CHRM3: variants seen among roughly 807,000 people sequenced by gnomAD.
The protein encoded by CHRM3 is muscarinic acetylcholine receptor M3.
A neutral mutation model predicts 41.8 loss-of-function variants in CHRM3; 11 were observed. That is an observed-to-expected ratio of 0.26 (90% confidence interval 0.17 to 0.44). The LOEUF is 0.44. Among genes scored for constraint, CHRM3 ranks in the 20% least tolerant of loss-of-function variants. The pLI, the probability that CHRM3 is intolerant of heterozygous loss-of-function variation, is 1.00. For missense variants in CHRM3, 571 were observed against 745.4 expected (o/e 0.77, Z 2.72); for synonymous variants, 297 against 301.4 (o/e 0.99, Z 0.15).
At chr1:239,591,832 T>A (rs904776498) in intron 3 of CHRM3, among the ~76,000 whole-genome samples, 3 of 152,182 alleles carry the variant, frequency 2.0e-5, no homozygotes, top group African/African-American at 7.2e-5. Context: ...TGCAAAGTGA[T>A]AGCATTTTGT....
intron 6 of CHRM3, among the ~76,000 whole-genome samples, chr1:239,847,505 C>T (rs560653361): frequency 7.2e-5 from 11 of 151,746 alleles, no homozygotes; most frequent in Admixed American, 3.3e-4. Flanking sequence ...TTAAAAAAGG[C>T]GGAAGGGATA....
At chr1:239,715,387 A>C (rs2148270399) in intron 5 of CHRM3, among the ~76,000 whole-genome samples, 1 of 152,262 alleles carries the variant, frequency 6.6e-6, no homozygotes, top group Non-Finnish European at 1.5e-5. Context: ...GTGTTCTGAT[A>C]AACCAGGCCT....
chr1:239,462,304 G>A (rs1168126922), intron 1 of CHRM3, among the ~76,000 whole-genome samples: 1 of 152,060 alleles, frequency 6.6e-6, no homozygotes, highest in Non-Finnish European at 1.5e-5. Flanking sequence ...AGTAGAAAAT[G>A]TCCCTGGGTT....
At chr1:239,574,876 T>C (rs1206796367) in intron 3 of CHRM3, among the ~76,000 whole-genome samples, 1 of 152,082 alleles carries the variant, frequency 6.6e-6, no homozygotes, top group Non-Finnish European at 1.5e-5. Context: ...TGGCATATAT[T>C]AGGCATTCAA....
intron 4 of CHRM3, among the ~76,000 whole-genome samples, chr1:239,645,689 A>C (rs368637727): frequency 3.9e-5 from 6 of 152,240 alleles, no homozygotes; most frequent in African/African-American, 1.4e-4. Flanking sequence ...GTTTATATCA[A>C]AAACAAAAAT....
intron 1 of CHRM3, among the ~76,000 whole-genome samples, chr1:239,409,380 G>T: frequency 6.6e-6 from 1 of 152,172 alleles, no homozygotes; most frequent in East Asian, 1.9e-4. Flanking sequence ...TTGTGTAGAA[G>T]ATACTCACTG....
intron 3 of CHRM3, among the ~76,000 whole-genome samples, chr1:239,583,012 C>CCT (rs1663044654): frequency 6.6e-6 from 1 of 152,216 alleles, no homozygotes; most frequent in Admixed American, 6.5e-5. Context: ...TGAGTGCTCA[C>CCT]TCATACCTGT....
chr1:239,802,460 G>A (rs894150617), intron 5 of CHRM3, among the ~76,000 whole-genome samples: 13 of 152,278 alleles, frequency 8.5e-5, no homozygotes, highest in Middle Eastern at 3.4e-3. Flanking sequence ...AGTGCTTTGC[G>A]AATGATCCCA....
intron 1 of CHRM3, among the ~76,000 whole-genome samples, chr1:239,419,502 C>A (rs1302356027): frequency 6.6e-6 from 1 of 151,528 alleles, no homozygotes; most frequent in Non-Finnish European, 1.5e-5. Flanking sequence ...ACAATATGTA[C>A]AATTGGATCT....
At chr1:239,560,549 T>A (rs1660756244) in intron 3 of CHRM3, among the ~76,000 whole-genome samples, 1 of 152,180 alleles carries the variant, frequency 6.6e-6, no homozygotes, top group African/African-American at 2.4e-5. Flanking sequence ...TTTCTCTAAG[T>A]ATTATTCTAA....
At chr1:239,714,266 T>G (rs1364464297) in intron 5 of CHRM3, 1 of 152,196 alleles carries the variant, frequency 6.6e-6, no homozygotes, top group Admixed American at 6.5e-5. Flanking sequence ...GCTCGTCATC[T>G]AAAGAGAGAA....
intron 1 of CHRM3, among the ~76,000 whole-genome samples, chr1:239,489,127 T>C (rs925255087): frequency 1.3e-5 from 2 of 152,032 alleles, no homozygotes; most frequent in Admixed American, 6.6e-5. Flanking sequence ...AAGAAAAAAT[T>C]TGGGGGCCAG....
intron 1 of CHRM3, among the ~76,000 whole-genome samples, chr1:239,487,379 T>C (rs887167486): frequency 6.6e-6 from 1 of 152,150 alleles, no homozygotes; most frequent in East Asian, 1.9e-4. Context: ...TAGTGCATGG[T>C]CTACTTAAAA....
chr1:239,807,816 G>A (rs1446907652), intron 5 of CHRM3, among the ~76,000 whole-genome samples: 1 of 127,244 alleles, frequency 7.9e-6, no homozygotes, highest in Non-Finnish European at 1.6e-5. Context: ...TTTTTGCTTT[G>A]CGCACACACA....
intron 1 of CHRM3, among the ~76,000 whole-genome samples, chr1:239,484,785 T>C (rs1214631500): frequency 6.6e-6 from 1 of 152,056 alleles, no homozygotes; most frequent in African/African-American, 2.4e-5. Context: ...CACACTGACA[T>C]ATGTCAGAGC....
chr1:239,820,061 G>A (rs1368009226), intron 5 of CHRM3, among the ~76,000 whole-genome samples: 2 of 152,126 alleles, frequency 1.3e-5, no homozygotes, highest in Non-Finnish European at 2.9e-5. Flanking sequence ...CACACAACCT[G>A]TTTCCGAACC....
intron 5 of CHRM3, among the ~76,000 whole-genome samples, chr1:239,711,628 C>A (rs1661798580): frequency 1.3e-5 from 2 of 151,646 alleles, no homozygotes; most frequent in South Asian, 4.2e-4. Context: ...TAGTCCACTG[C>A]CCCACTCCCT....
chr1:239,551,252 TC>T (rs1659796608), intron 3 of CHRM3, among the ~76,000 whole-genome samples: 1 of 134,558 alleles, frequency 7.4e-6, no homozygotes, highest in Admixed American at 8.6e-5. Flanking sequence ...AACCTCCACC[TC>T]CCGGGTTCAA....
At chr1:239,495,303 A>G (rs1410398567) in intron 2 of CHRM3, among the ~76,000 whole-genome samples, 1 of 152,200 alleles carries the variant, frequency 6.6e-6, no homozygotes, top group African/African-American at 2.4e-5. Context: ...GGTCTTCCCC[A>G]CATTAAAGCA....
Sources: gnomAD v4.1 joint callset for allele counts (sites outside exome capture counted in the v4.1 genomes callset) on GRCh38, gnomAD v4.1.1 for gene constraint, MANE v1.5 for transcripts, NCBI Gene and HGNC (gene_info 2026-07-23, HGNC 2026-07-21) for gene names.